The following TBC1D32 variants were observed in gnomAD, a reference collection of about 807,000 sequenced individuals.
TBC1D32 encodes the protein TBC1 domain family member 32.
TBC1D32 carries 151 observed loss-of-function variants against 170.3 expected under a neutral mutation model. That is an observed-to-expected ratio of 0.89 (90% CI 0.78 to 1.01). The LOEUF (loss-of-function observed/expected upper bound fraction) is 1.01, where lower values mean the gene tolerates loss of function less well. TBC1D32 is among the 50% of genes least tolerant of loss of function. TBC1D32 has a pLI of 0.00. For synonymous variants in TBC1D32, 498 were observed against 488.0 expected, an observed-to-expected ratio of 1.02 and a Z score of -0.27; for missense variants, 1,464 against 1,457.1, an observed-to-expected ratio of 1.00 and a Z score of -0.08.
chr6:121,334,563 C>T, upstream of TBC1D32: 2 of 1,094,222 alleles, frequency 1.8e-6, no homozygotes, highest in Non-Finnish European at 2.6e-6. Flanking sequence ...CGGCGAGCGC[C>T]TGTGCCTGCG....
chr6:121,194,687 C>G (rs1303306568), intron 22 of TBC1D32, among the ~76,000 whole-genome samples: 3 of 152,216 alleles, frequency 2.0e-5, no homozygotes, highest in Non-Finnish European at 4.4e-5. Flanking sequence ...CCACCAGAAG[C>G]AATTTTTCTT....
chr6:121,147,531 T>C (rs1783619012), intron 24 of TBC1D32, among the ~76,000 whole-genome samples: 1 of 152,196 alleles, frequency 6.6e-6, no homozygotes, highest in South Asian at 2.1e-4. Context: ...AGAGATGGTA[T>C]CTGTTGATTT....
intron 23 of TBC1D32, 98 bp downstream of exon 23, chr6:121,160,850 A>AC (rs1785535107): frequency 8.3e-6 from 7 of 839,076 alleles, no homozygotes; most frequent in Non-Finnish European, 1.4e-5. Context: ...TGTGATGTAG[A>AC]CATTTAAGAG....
intron 3 of TBC1D32, among the ~76,000 whole-genome samples, chr6:121,314,849 G>T (rs926061444): frequency 1.3e-5 from 2 of 152,110 alleles, no homozygotes; most frequent in Admixed American, 6.6e-5. Context: ...TCTCTGAATG[G>T]TGTCCATTTC....
At chr6:121,313,374 C>A (rs1273800500) in intron 3 of TBC1D32, among the ~76,000 whole-genome samples, 1 of 151,146 alleles carries the variant, frequency 6.6e-6, no homozygotes, top group Non-Finnish European at 1.5e-5. Flanking sequence ...ACCTCCACCA[C>A]CCGAGTTCAA....
At chr6:121,331,260 G>A (rs1469991904) in intron 1 of TBC1D32, among the ~76,000 whole-genome samples, 3 of 152,146 alleles carry the variant, frequency 2.0e-5, no homozygotes, top group African/African-American at 7.2e-5. Flanking sequence ...CCAGGCTGGA[G>A]TGCAGTGGCA....
intron 22 of TBC1D32, among the ~76,000 whole-genome samples, chr6:121,173,736 G>T (rs1787382777): frequency 1.3e-5 from 2 of 151,722 alleles, no homozygotes; most frequent in African/African-American, 4.8e-5. Context: ...GGGAGAGGAT[G>T]GCCGGAAAAA....
intron 22 of TBC1D32, among the ~76,000 whole-genome samples, chr6:121,177,859 T>C (rs1256972814): frequency 1.3e-5 from 2 of 152,162 alleles, no homozygotes; most frequent in Non-Finnish European, 2.9e-5. Flanking sequence ...GCATTTCAGA[T>C]AAGGATACTC....
rs375901481 is a variant in TBC1D32, at chr6:121,277,037, T to C, written c.1733+2084A>G. Among the ~76,000 whole-genome samples, 70 of 152,252 alleles carry C rather than the reference T, an allele frequency of 4.6e-4. 1 individual carries two copies. In the South Asian group the frequency reaches 0.012, roughly 27 times the overall value. On this transcript the variant is annotated intron_variant, in intron 15 of 31. Transcript: ENST00000398212. ...GTAAGGACAAAGTTGAACCAAACAG[T>C]ACCATCAATCAGCTGAATATAATTG...
chr6:121,304,109 A>G (rs1370289967), intron 8 of TBC1D32, among the ~76,000 whole-genome samples: 5 of 8,854 alleles, frequency 5.6e-4, no homozygotes, highest in Non-Finnish European at 1.8e-3. Flanking sequence ...TCACTGATAC[A>G]TTAAAAAAAA....
intron 22 of TBC1D32, among the ~76,000 whole-genome samples, chr6:121,202,789 A>G (rs1353181332): frequency 6.6e-6 from 1 of 151,296 alleles, no homozygotes; most frequent in Admixed American, 6.6e-5. Flanking sequence ...CTTCTTGAGT[A>G]TTAGTCATTT....
chr6:121,303,277 T>C (rs556809050), intron 9 of TBC1D32, among the ~76,000 whole-genome samples: 3 of 152,208 alleles, frequency 2.0e-5, no homozygotes, highest in South Asian at 2.1e-4. Flanking sequence ...CTACCACATT[T>C]GCTTAAAATT....
chr6:121,152,067 C>T (rs1330300650), intron 24 of TBC1D32, among the ~76,000 whole-genome samples: 2 of 151,976 alleles, frequency 1.3e-5, no homozygotes, highest in African/African-American at 2.4e-5. Context: ...GTTATTTTGC[C>T]CATTAGTTGG....
intron 1 of TBC1D32, among the ~76,000 whole-genome samples, chr6:121,333,816 C>T (rs1403786513): frequency 6.6e-6 from 1 of 152,172 alleles, no homozygotes; most frequent in Non-Finnish European, 1.5e-5. Flanking sequence ...CCTGTGATCC[C>T]AGCACTTTGG....
chr6:121,254,934 T>A (rs1798768597), intron 17 of TBC1D32, among the ~76,000 whole-genome samples: 1 of 152,070 alleles, frequency 6.6e-6, no homozygotes, highest in South Asian at 2.1e-4. Flanking sequence ...AACTGAAATG[T>A]ACTCCCACCA....
At chr6:121,323,333 C>T (rs1326009773) in intron 1 of TBC1D32, among the ~76,000 whole-genome samples, 1 of 152,108 alleles carries the variant, frequency 6.6e-6, no homozygotes, top group Non-Finnish European at 1.5e-5. Flanking sequence ...TTTCTTCCCT[C>T]TCATATTCAT....
chr6:121,217,808 AAAAAAGAATAC>A (rs1794021920), intron 21 of TBC1D32, among the ~76,000 whole-genome samples: 1 of 152,230 alleles, frequency 6.6e-6, no homozygotes, highest in African/African-American at 2.4e-5. Context: ...GAGTTTTTAA[AAAAAAGAATAC>A]AAAAAGAAAA....
chr6:121,157,744 A>C (rs1785094595), intron 24 of TBC1D32, among the ~76,000 whole-genome samples: 1 of 152,036 alleles, frequency 6.6e-6, no homozygotes, highest in African/African-American at 2.4e-5. Flanking sequence ...GAAGGATTTT[A>C]TATTTCCTTT....
intron 21 of TBC1D32, among the ~76,000 whole-genome samples, chr6:121,208,880 C>T (rs937466506): frequency 2.0e-5 from 3 of 151,996 alleles, no homozygotes; most frequent in African/African-American, 7.2e-5. Context: ...CACCCAGTTA[C>T]CCGGTTTGTG....
Sources: gnomAD v4.1 joint callset for allele counts (sites outside exome capture counted in the v4.1 genomes callset) on GRCh38, gnomAD v4.1.1 for gene constraint, MANE v1.5 for transcripts, NCBI Gene and HGNC (gene_info 2026-07-23, HGNC 2026-07-21) for gene names.